The following PASK variants were observed in gnomAD, a reference collection of about 807,000 sequenced individuals.
PASK encodes the protein PAS domain-containing serine/threonine-protein kinase.
Under a neutral mutation model 121.0 loss-of-function variants are expected in PASK, and 110 were observed. The observed-to-expected ratio is 0.91, with a 90% confidence interval of 0.78 to 1.06. PASK has a LOEUF of 1.06. Among genes scored for constraint, PASK ranks in the 50% least tolerant of loss-of-function variants. The pLI is 0.00. For missense variants in PASK, 1,643 were observed against 1,702.3 expected (o/e 0.97, Z 0.61); for synonymous variants, 686 against 717.8 (o/e 0.96, Z 0.71).
intron 1 of PASK, among the ~76,000 whole-genome samples, chr2:241,146,601 G>A (rs144054201): frequency 3.2e-4 from 49 of 152,326 alleles, no homozygotes; most frequent in African/African-American, 1.2e-3. Context: ...GTGAATCTTA[G>A]CCATATACGA....
intron 12 of PASK, among the ~76,000 whole-genome samples, chr2:241,115,966 CTGGTCCT>C: frequency 1.1e-5 from 1 of 91,938 alleles, no homozygotes; most frequent in Non-Finnish European, 1.8e-5. Flanking sequence ...CCGGGGCCAC[CTGGTCCT>C]CAAGCATCCC....
intron 12 of PASK, among the ~76,000 whole-genome samples, chr2:241,118,002 A>C (rs1437472447): frequency 6.6e-6 from 1 of 152,218 alleles, no homozygotes; most frequent in East Asian, 1.9e-4. Flanking sequence ...TACCGAAAGA[A>C]ATTAAAGATC....
In PASK at chr2:241,138,648, A is replaced by G; in HGVS notation, c.741+6T>C. The G allele has an allele frequency of 6.2e-7, 1 of 1,613,902 alleles. No individual in the cohort carries two copies. The highest frequency in any genetic ancestry group is 8.5e-7 in the Non-Finnish European group (1 of 1,180,018). ...CATGAGACATGAGGCAAAGTTGCAC[A>G]CTCACATCGCTCTGGAAAGCGACCC... On this transcript the variant is annotated splice_donor_region_variant and intron_variant, in intron 5 of 17. Transcript: ENST00000234040.
At chr2:241,118,415 G>C (rs535514090) in intron 12 of PASK, among the ~76,000 whole-genome samples, 1 of 152,096 alleles carries the variant, frequency 6.6e-6, no homozygotes, top group East Asian at 1.9e-4. Context: ...TTTTGACAAG[G>C]GTGCCAAAAA....
chr2:241,143,794 G>A (rs765297792), intron 1 of PASK, among the ~76,000 whole-genome samples: 3 of 152,178 alleles, frequency 2.0e-5, no homozygotes, highest in Admixed American at 6.5e-5. Flanking sequence ...CTGACCATCC[G>A]ACCAGCTGTG....
chr2:241,121,145 A>T (rs950441470), intron 12 of PASK, among the ~76,000 whole-genome samples: 5 of 152,238 alleles, frequency 3.3e-5, no homozygotes, highest in Admixed American at 6.5e-5. Context: ...GACAGAAAGT[A>T]GATTTGTGGT....
chr2:241,150,089 G>A (rs1480121643), upstream of PASK: 2 of 1,269,222 alleles, frequency 1.6e-6, no homozygotes, highest in South Asian at 2.1e-5. Flanking sequence ...TTGCAGCCAC[G>A]GAAAGATCCG....
intron 4 of PASK, 46 bp from the exon 5 acceptor site, chr2:241,138,840 G>T (rs1250044097): frequency 1.0e-5 from 16 of 1,603,954 alleles, no homozygotes; most frequent in African/African-American, 1.3e-5. Context: ...GAACCCAAAA[G>T]ACCAGTATGG....
rs2065662082 is a variant in PASK, at chr2:241,122,592, A to C, written c.3072+140T>G. ...TGGGAGAGCCTCTTTGAATCCGGAA[A>C]CCGCCCACATGCCAGGTTGTGTGCT... On this transcript the variant is annotated intron_variant, in intron 12 of 17. Coordinates refer to ENST00000234040, the MANE Select transcript of PASK (RefSeq NM_015148.4). 5 of 805,520 alleles carry C rather than the reference A, an allele frequency of 6.2e-6. No homozygotes were observed. The South Asian group carries it at 7.0e-5, about 11-fold the overall frequency. The allele number at this position is 805,520 out of a possible 1,614,324, so 49.9% of individuals were successfully genotyped here. A position where few individuals can be genotyped will look rare whatever the true frequency, so the allele number is the denominator to read the frequency against.
At chr2:241,114,303 T>C in intron 14 of PASK, 1 of 985,420 alleles carries the variant, frequency 1.0e-6, no homozygotes, top group Non-Finnish European at 1.2e-6. Context: ...GAAGAAATGT[T>C]GATTCACGGA....
chr2:241,108,457 T>A lies in PASK; in HGVS notation c.3534-157A>T, dbSNP rs1025159491. The A allele has an allele frequency of 1.4e-5, 10 of 734,944 alleles. No individual in the cohort carries two copies. The highest frequency in any genetic ancestry group is 1.9e-5 in the Non-Finnish European group (8 of 423,146). The allele number at this position is 734,944 out of a possible 1,614,324, so 45.5% of individuals were successfully genotyped here. On this transcript the variant is annotated intron_variant, in intron 15 of 17. Transcript: ENST00000234040. This position sits in a 1 kb window ranked among gnomAD's most constrained non-coding sequence, Gnocchi z 5.2. ...TCCACCCCTCAAACACGCCCTCCATTTCCACGCACTTCTGCCCCAGGCCAG... is the reference window on the plus strand; with the variant it reads ...TCCACCCCTCAAACACGCCCTCCATATCCACGCACTTCTGCCCCAGGCCAG...
intron 1 of PASK, among the ~76,000 whole-genome samples, chr2:241,145,543 A>C (rs2066912764): frequency 6.6e-6 from 1 of 151,986 alleles, no homozygotes; most frequent in Non-Finnish European, 1.5e-5. Flanking sequence ...AAGTTTTCTT[A>C]AACAAGGCAC....
At chr2:241,141,019 C>T (rs2066676222) in intron 2 of PASK, among the ~76,000 whole-genome samples, 1 of 152,230 alleles carries the variant, frequency 6.6e-6, no homozygotes, top group African/African-American at 2.4e-5. Context: ...GCCAGGCGTG[C>T]CTATAATCCC....
intron 12 of PASK, among the ~76,000 whole-genome samples, chr2:241,116,928 G>A (rs1018179410): frequency 3.9e-5 from 6 of 152,200 alleles, no homozygotes; most frequent in African/African-American, 9.6e-5. Context: ...GAAGTGCCGC[G>A]GGGGTGCAGC....
intron 16 of PASK, among the ~76,000 whole-genome samples, 195 bp downstream of exon 16, chr2:241,107,972 C>T (rs1245208764): frequency 1.3e-5 from 2 of 151,986 alleles, no homozygotes; most frequent in South Asian, 2.1e-4. Context: ...CTCTAAGATC[C>T]AAAGAGGAAC....
At chr2:241,136,439 C>T (rs1175278342) in intron 7 of PASK, among the ~76,000 whole-genome samples, 1 of 152,028 alleles carries the variant, frequency 6.6e-6, no homozygotes, top group Non-Finnish European at 1.5e-5. Context: ...TCCTCCCAGG[C>T]CAGGAGCTGC....
In PASK at chr2:241,108,902, CA is replaced by C. The variant is rs200084808; in HGVS notation, c.3534-603del. The C allele has an allele frequency of 5.7e-3, 994 of 174,870 alleles. 2 individuals carry two copies. Among genetic ancestry groups the C allele is most frequent in the Middle Eastern group, 8.2e-3 (3 of 368 alleles). 10.8% of individuals were successfully genotyped at this position (174,870 alleles called of 1,614,324 possible). A position where few individuals can be genotyped will look rare whatever the true frequency, so the allele number is the denominator to read the frequency against. On this transcript the variant is annotated intron_variant, in intron 15 of 17. Transcript: ENST00000234040. The surrounding 1 kb of genome is among the most constrained non-coding windows in gnomAD (Gnocchi z 5.2). ...GTGGGCCAAATGGAGGAGCAAGCTT[CA>C]GGGAGAAGACACCCAAAGGACTATT...
At chr2:241,140,216 C>T (rs369775081) in intron 3 of PASK, among the ~76,000 whole-genome samples, 161 bp from the exon 4 acceptor site, 1 of 108,136 alleles carries the variant, frequency 9.2e-6, no homozygotes, top group Non-Finnish European at 1.7e-5. Context: ...TCAGAGCTCA[C>T]TGCAGCGGCG....
At chr2:241,130,186 A>C (rs889925918) in intron 9 of PASK, among the ~76,000 whole-genome samples, 1 of 152,238 alleles carries the variant, frequency 6.6e-6, no homozygotes, top group Admixed American at 6.5e-5. Flanking sequence ...AGTCTTCTGT[A>C]ATGCTTATTT....
Sources: allele counts gnomAD v4.1 joint callset (sites outside exome capture counted in the v4.1 genomes callset), GRCh38; gene constraint gnomAD v4.1.1; non-coding constraint Gnocchi (gnomAD v3.1); transcripts MANE v1.5; gene names NCBI Gene and HGNC (gene_info 2026-07-23, HGNC 2026-07-21).